The following ARHGEF4 variants were observed in gnomAD, a reference collection of about 807,000 sequenced individuals.
ARHGEF4 encodes Rho guanine nucleotide exchange factor 4.
A neutral mutation model predicts 162.0 loss-of-function variants in ARHGEF4; 119 were observed. The ratio of observed to expected loss-of-function variants is 0.73; its 90% CI spans 0.63 to 0.86. The LOEUF is 0.86. ARHGEF4 is among the 40% of genes least tolerant of loss of function. The probability of loss-of-function intolerance (pLI) is 0.00; values close to 1 mark genes in which losing one functional copy is unlikely to be tolerated. For missense variants in ARHGEF4, 2,488 were observed against 2,456.0 expected, an observed-to-expected ratio of 1.01 and a Z score of -0.28; for synonymous variants, 1,014 against 979.9, an observed-to-expected ratio of 1.03 and a Z score of -0.65.
At chr2:131,025,246 G>A (rs1689403613) in intron 4 of ARHGEF4, among the ~76,000 whole-genome samples, 1 of 152,140 alleles carries the variant, frequency 6.6e-6, no homozygotes, top group African/African-American at 2.4e-5. Context: ...GAGCAAAGGG[G>A]GAAGTGCTGC....
intron 4 of ARHGEF4, among the ~76,000 whole-genome samples, chr2:130,948,210 C>T (rs1327402334): frequency 6.6e-6 from 1 of 152,202 alleles, no homozygotes. Context: ...TCAGCACATT[C>T]GAGGTGCTGG....
rs560159658 is a variant in ARHGEF4, at chr2:131,041,482, G to A, written c.4895+20G>A. ...GCACAGGTAGGAGGGCACTGAGGCA[G>A]GGAGGCAGCCCACGCCTCTGCATGC... is the stretch of plus-strand genomic sequence containing the variant. On this transcript the variant is annotated intron_variant, in intron 9 of 13. Transcript: ENST00000409359. 1.2e-6 allele frequency: 2 copies of A among 1,602,846 alleles called. No individual in the cohort carries two copies. Among genetic ancestry groups the A allele is most frequent in the African/African-American group, 1.3e-5 (1 of 74,952 alleles).
In ARHGEF4 at chr2:131,046,052, T is replaced by C. The variant is rs1360759922; in HGVS notation, c.5494T>C (p.Cys1832Arg). The change falls in exon 14 of 14, where the codon TGC becomes CGC. Residue 1832 changes from cysteine (C) to arginine (R), a missense_variant. By Grantham distance (180) the Cys-to-Arg change is radical. Around this residue, in one of 6 missense-constraint regions of ARHGEF4, gnomAD observed 415 missense variants for 512.4 expected, o/e 0.81. Transcript: ENST00000409359. ...TGKPKAVGRP[C>R]YLTRQKHPAL... ...TCCCTGTTCAGCTGTTGGCCGGCCC[T>C]GCTACCTGACGCGCCAGAAGCACCC... 1 of 1,611,546 alleles carries C rather than the reference T, an allele frequency of 6.2e-7. No homozygotes were observed. Among genetic ancestry groups the C allele is most frequent in the African/African-American group, 1.3e-5 (1 of 74,924 alleles).
chr2:131,035,401 G>A, intron 5 of ARHGEF4: 1 of 825,048 alleles, frequency 1.2e-6, no homozygotes. Flanking sequence ...CCTGGTCCGG[G>A]GGTGTCGCCG....
chr2:130,856,989 G>A (rs544583109), intron 1 of ARHGEF4, among the ~76,000 whole-genome samples: 65 of 152,312 alleles, frequency 4.3e-4, no homozygotes, highest in African/African-American at 1.4e-3. Context: ...TTGGGAGGCC[G>A]AGGCGGGTGG....
intron 4 of ARHGEF4, among the ~76,000 whole-genome samples, chr2:130,993,414 T>C (rs1405692484): frequency 6.6e-6 from 1 of 152,182 alleles, no homozygotes; most frequent in Non-Finnish European, 1.5e-5. Flanking sequence ...ACAATAATTT[T>C]AGTGTTTCAT....
At chr2:130,995,842 G>C (rs1317959581) in intron 4 of ARHGEF4, among the ~76,000 whole-genome samples, 1 of 151,102 alleles carries the variant, frequency 6.6e-6, no homozygotes, top group East Asian at 1.9e-4. Flanking sequence ...CTTGCATCCA[G>C]TTGCTCTCAC....
At chr2:130,885,039 A>G (rs138774988) in intron 1 of ARHGEF4, among the ~76,000 whole-genome samples, 26 of 152,258 alleles carry the variant, frequency 1.7e-4, no homozygotes, top group Non-Finnish European at 2.9e-4. Context: ...TGATGCCATT[A>G]CTAATCTACT....
At chr2:130,844,936 A>G (rs1172931081) in intron 1 of ARHGEF4, among the ~76,000 whole-genome samples, 1 of 151,690 alleles carries the variant, frequency 6.6e-6, no homozygotes, top group Non-Finnish European at 1.5e-5. Flanking sequence ...TGATTCTCCT[A>G]CCTCAGTCTC....
chr2:131,020,038 A>C (rs900619881), intron 4 of ARHGEF4, among the ~76,000 whole-genome samples: 1 of 152,186 alleles, frequency 6.6e-6, no homozygotes, highest in African/African-American at 2.4e-5. Context: ...TTGTGTGTTA[A>C]TTTATATTCT....
intron 1 of ARHGEF4, among the ~76,000 whole-genome samples, chr2:130,872,209 T>C (rs558871418): frequency 6.6e-6 from 1 of 152,344 alleles, no homozygotes; most frequent in Admixed American, 6.5e-5. Flanking sequence ...CTTCCTCTGC[T>C]TGTTATCAAA....
At chr2:131,017,248 C>A (rs1242797081) in intron 4 of ARHGEF4, among the ~76,000 whole-genome samples, 2 of 152,164 alleles carry the variant, frequency 1.3e-5, no homozygotes, top group Admixed American at 1.3e-4. Context: ...CCAGTCTAAG[C>A]AGACAAGTGA....
rs57254908 is a variant in ARHGEF4, at chr2:130,970,587, CAAAAAAAAAAAA to C, written c.3985+23962_3985+23973del. Among the ~76,000 whole-genome samples the C allele has an allele frequency of 5.5e-3, 646 of 116,956 alleles. 7 individuals carry two copies. The highest frequency in any genetic ancestry group is 0.019 in the African/African-American group (601 of 31,680). The allele number at this position is 116,956 out of a possible 152,430, so 76.7% of individuals were successfully genotyped here. On this transcript the variant is annotated intron_variant, in intron 4 of 13. Coordinates refer to ENST00000409359, the MANE Select transcript of ARHGEF4 (RefSeq NM_001367493.1). Reference sequence around the variant, plus strand: ...CTGGGCAACAAGAGTGAAACTCCATCAAAAAAAAAAAAAAAAAAAAAGAAAAGCCATCTATTA... The same window carrying C: ...CTGGGCAACAAGAGTGAAACTCCATCAAAAAAAAAGAAAAGCCATCTATTA...
chr2:130,990,702 G>C (rs1169556292), intron 4 of ARHGEF4, among the ~76,000 whole-genome samples: 1 of 152,108 alleles, frequency 6.6e-6, no homozygotes, highest in Non-Finnish European at 1.5e-5. Context: ...ACAGCAGCTG[G>C]AGTCATTATC....
chr2:130,979,746 A>AAC (rs1685991517), intron 4 of ARHGEF4, among the ~76,000 whole-genome samples: 1 of 150,480 alleles, frequency 6.6e-6, no homozygotes, highest in Non-Finnish European at 1.5e-5. Context: ...AAAAAAAAAA[A>AAC]AAAAAAAAAA....
In ARHGEF4 at chr2:130,947,478, C is replaced by T. The variant is rs748629293; in HGVS notation, c.3985+843C>T. On this transcript the variant is annotated intron_variant, in intron 4 of 13. Transcript: ENST00000409359. ...TGAGCAGAACTACTGACTGTCCCTT[C>T]GTCTCGTAGTAGGATGTATAACTTC... is the stretch of plus-strand genomic sequence containing the variant. Among the ~76,000 whole-genome samples, 18 of 152,166 alleles carry T rather than the reference C, an allele frequency of 1.2e-4. No individual in the cohort carries two copies. The South Asian group carries it at 1.2e-3, about 11-fold the overall frequency.
intron 4 of ARHGEF4, among the ~76,000 whole-genome samples, chr2:131,006,366 C>T (rs1235037880): frequency 6.6e-6 from 1 of 152,166 alleles, no homozygotes; most frequent in Non-Finnish European, 1.5e-5. Context: ...TGCTGTTAAG[C>T]CTCTAAATGC....
At chr2:130,850,716 A>T (rs1016748888) in intron 1 of ARHGEF4, among the ~76,000 whole-genome samples, 1 of 152,280 alleles carries the variant, frequency 6.6e-6, no homozygotes, top group Admixed American at 6.5e-5. Flanking sequence ...TGCCCTCGTG[A>T]TGGGGCCTCC....
rs546449274 is a variant in ARHGEF4, at chr2:130,901,582, G to A, written c.40-12404G>A. Reference sequence around the variant, plus strand: ...GTTGCCCAGGCTGGAGTGCAATCACGCAGTCTCAGCTCACTGCAACCTCTG... The same window carrying A: ...GTTGCCCAGGCTGGAGTGCAATCACACAGTCTCAGCTCACTGCAACCTCTG... On this transcript the variant is annotated intron_variant, in intron 1 of 13. Transcript: ENST00000409359. 9.9e-4 allele frequency among the ~76,000 whole-genome samples: 149 copies of A among 150,936 alleles called. 1 individual carries two copies. Among genetic ancestry groups the A allele is most frequent in the African/African-American group, 3.1e-3 (126 of 41,060 alleles).
Sources: gnomAD v4.1 joint callset for allele counts (sites outside exome capture counted in the v4.1 genomes callset) on GRCh38, gnomAD v4.1.1 for gene constraint, gnomAD v4.1.1 regional missense constraint, MANE v1.5 for transcripts, NCBI Gene and HGNC (gene_info 2026-07-23, HGNC 2026-07-21) for gene names.